Variants in ERCC8 observed in about 807,000 individuals in gnomAD.
ERCC8 encodes ERCC excision repair 8, CSA ubiquitin ligase complex subunit, also known as DNA excision repair protein ERCC-8.
A neutral mutation model predicts 54.9 loss-of-function variants in ERCC8; 52 were observed. That is an observed-to-expected ratio of 0.95 (90% confidence interval 0.76 to 1.19). ERCC8 has a LOEUF of 1.19. Among genes scored for constraint, ERCC8 ranks in the 50% most tolerant of loss-of-function variants. The pLI, the probability that ERCC8 is intolerant of heterozygous loss-of-function variation, is 0.00. For missense variants in ERCC8, 514 were observed against 466.1 expected (o/e 1.10, Z -0.95); for synonymous variants, 146 against 157.2 (o/e 0.93, Z 0.53).
chr5:60,870,484 A>AAAG lies in ERCC8; in HGVS notation c.*4130_*4131insCTT, dbSNP rs1747839279. ...ACATGGTGAAACCCCACCTCTGCTA[A>AAAG]AAAAAAAAAAAAAAAAAAAAAAAAA... On this transcript the variant is annotated 3_prime_UTR_variant, in exon 12 of 12. Transcript: ENST00000676185. Among the ~76,000 whole-genome samples, 1 of 114,480 alleles carries AAAG rather than the reference A, an allele frequency of 8.7e-6. No individual in the cohort carries two copies. The highest frequency in any genetic ancestry group is 3.1e-5 in the African/African-American group (1 of 32,372). The allele number at this position is 114,480 out of a possible 152,430, so 75.1% of individuals were successfully genotyped here. A position where few individuals can be genotyped will look rare whatever the true frequency, so the allele number is the denominator to read the frequency against.
Position 60,944,999 on chromosome 5 carries a change from AC to A in ERCC8, c.9del (p.Leu5CysfsTer28). The A allele has an allele frequency of 1.2e-6, 2 of 1,613,556 alleles. No homozygotes were observed. Among genetic ancestry groups the A allele is most frequent in the Middle Eastern group, 1.6e-4 (1 of 6,062 alleles). On this transcript the variant is annotated frameshift_variant, in exon 1 of 12. Transcript: ENST00000676185. LOFTEE classifies it high-confidence loss of function. ...AAACCCGTTTGGCGTGCGGACAAAA[AC>A]CCCAGCATATCGTGTCCTCACACCG... MLGFLSARQTGLE... is the reference protein window; with the variant it reads MLXFLSARQTGLE...
intron 11 of ERCC8, among the ~76,000 whole-genome samples, chr5:60,884,935 CAA>C (rs1748351671): frequency 6.6e-6 from 1 of 151,940 alleles, no homozygotes; most frequent in Non-Finnish European, 1.5e-5. Flanking sequence ...TTCTCATATA[CAA>C]AAGTTTGTTT....
At chr5:60,904,058 C>G (rs1237444569) in intron 5 of ERCC8, among the ~76,000 whole-genome samples, 3 of 152,144 alleles carry the variant, frequency 2.0e-5, no homozygotes, top group East Asian at 1.9e-4. Context: ...CAGTATCAAA[C>G]CCAGGAAATT....
At chr5:60,929,506 G>A (rs1371419780) in intron 1 of ERCC8, among the ~76,000 whole-genome samples, 1 of 152,142 alleles carries the variant, frequency 6.6e-6, no homozygotes, top group Non-Finnish European at 1.5e-5. Flanking sequence ...AGGATTGCTT[G>A]AGCCCAGGAG....
chr5:60,941,156 T>TA (rs1244306629), intron 1 of ERCC8, among the ~76,000 whole-genome samples: 28 of 149,640 alleles, frequency 1.9e-4, no homozygotes, highest in Admixed American at 2.7e-4. Flanking sequence ...TCTCTAAAAA[T>TA]AAAAAAAAAG....
chr5:60,880,560 A>C (rs1041839383), intron 11 of ERCC8, among the ~76,000 whole-genome samples: 1 of 152,000 alleles, frequency 6.6e-6, no homozygotes, highest in African/African-American at 2.4e-5. Flanking sequence ...GGCTTTGTTC[A>C]TTTCTTTTTA....
Position 60,904,819 on chromosome 5 carries a change from C to T in ERCC8, c.454G>A (p.Val152Ile). Residue 152 changes from valine to isoleucine, a missense_variant, in exon 5 of 12, where the codon GTC becomes ATC. By Grantham distance (29) the Val-to-Ile change is conservative (BLOSUM62 3). Transcript: ENST00000676185. ...ETVYSHHMSP[V>I]STKHCLVAVG... The stretch of plus-strand genomic sequence containing the variant: ...GCTACCAAACAGTGCTTGGTGGAGA[C>T]TGGAGACATATGATGACTATAAACT... The T allele has an allele frequency of 6.2e-7, 1 of 1,600,854 alleles. No homozygotes were observed. The highest frequency in any genetic ancestry group is 8.6e-7 in the Non-Finnish European group (1 of 1,169,096).
Position 60,919,412 on chromosome 5 carries a change from T to C in ERCC8, c.276-1024A>G, listed in dbSNP as rs554657075. ...TTAACAGAAGACTTCTGCAACCCTA[T>C]GCAGATACAACCGTGATGCTTTTGG... On this transcript the variant is annotated intron_variant, in intron 3 of 11. Transcript: ENST00000676185. 4 of 152,058 alleles carry C rather than the reference T, an allele frequency of 2.6e-5. No homozygotes were observed. In the East Asian group the frequency reaches 7.7e-4, roughly 29 times the overall value. 9.4% of individuals were successfully genotyped at this position (152,058 alleles called of 1,614,324 possible). A position where few individuals can be genotyped will look rare whatever the true frequency, so the allele number is the denominator to read the frequency against.
At chr5:60,891,506 G>A (rs1446603711) in intron 9 of ERCC8, among the ~76,000 whole-genome samples, 1 of 151,764 alleles carries the variant, frequency 6.6e-6, no homozygotes. Context: ...AATATTTTTT[G>A]GGGGGTGTAT....
intron 3 of ERCC8, among the ~76,000 whole-genome samples, chr5:60,920,151 C>G (rs537406725): frequency 1.3e-5 from 2 of 151,942 alleles, no homozygotes; most frequent in South Asian, 2.1e-4. Flanking sequence ...GTGGTGTGAC[C>G]CTGACTGTGT....
chr5:60,904,718 C>A, intron 5 of ERCC8, 74 bp downstream of exon 5: 18 of 532,026 alleles, frequency 3.4e-5, no homozygotes, highest in East Asian at 1.4e-4. Context: ...AAAATGTCTA[C>A]ATCAAAACTA....
rs113518997 is a variant in ERCC8, at chr5:60,937,825, C to T, written c.77+7107G>A. Among the ~76,000 whole-genome samples the T allele has an allele frequency of 2.4e-3, 369 of 152,154 alleles. 8 individuals are homozygous for T. Among genetic ancestry groups the T allele is most frequent in the African/African-American group, 8.6e-3 (356 of 41,506 alleles). On this transcript the variant is annotated intron_variant, in intron 1 of 11. Coordinates refer to ENST00000676185, the MANE Select transcript of ERCC8 (RefSeq NM_000082.4). ...GTGGATCCTCTCCGCTTTCCTGGAG[C>T]GTTCCTGTGGTAGTTCTTATAGCAA...
In ERCC8 at chr5:60,866,489, C is replaced by A. The variant is rs917062783; in HGVS notation, c.*8126G>T. On this transcript the variant is annotated 3_prime_UTR_variant, in exon 12 of 12. Coordinates refer to ENST00000676185, the MANE Select transcript of ERCC8 (RefSeq NM_000082.4). ...ATTTCAGAACTTTATTTCATTTATT[C>A]TTACAACTTTGTAAGGTGTATTTTA... 2.6e-5 allele frequency: 4 copies of A among 152,006 alleles called. No homozygotes were observed. The highest frequency in any genetic ancestry group is 4.1e-4 in the South Asian group (2 of 4,820). The allele number at this position is 152,006 out of a possible 1,614,324, so 9.4% of individuals were successfully genotyped here.
At chr5:60,885,503 A>G (rs551756567) in intron 11 of ERCC8, among the ~76,000 whole-genome samples, 1 of 152,164 alleles carries the variant, frequency 6.6e-6, no homozygotes, top group Non-Finnish European at 1.5e-5. Context: ...AGAGCAGGAC[A>G]CAATAATTAC....
At position 60,898,333 on chromosome 5, in the gene ERCC8, A is replaced by C; in HGVS notation, c.786T>G (p.Thr262=). 6.2e-7 allele frequency: 1 copy of C among 1,613,650 alleles called. No homozygotes were observed. The highest frequency in any genetic ancestry group is 8.5e-7 in the Non-Finnish European group (1 of 1,179,662). The change falls in exon 9 of 12, where the codon ACT becomes ACG. Residue 262 remains threonine, a synonymous_variant. Coordinates refer to ENST00000676185, the MANE Select transcript of ERCC8 (RefSeq NM_000082.4). The part of the protein sequence containing the change: ...CFTSDGLHLL[T]VGTDNRMRLW... ...GCCTCATTCGATTATCTGTACCAAC[A>C]GTGAGGAGGTGAAGTCCATCACTTG...
In ERCC8 at chr5:60,870,401, T is replaced by C. The variant is rs1447559274; in HGVS notation, c.*4214A>G. Among the ~76,000 whole-genome samples the C allele has an allele frequency of 6.8e-6, 1 of 146,718 alleles. No individual in the cohort carries two copies. ...GCTCACGCCTGTAAATCCCAGCACT[T>C]TGGGAGGCCGAGGCTGGTGGATCAC... is the stretch of plus-strand genomic sequence containing the variant. On this transcript the variant is annotated 3_prime_UTR_variant, in exon 12 of 12. Coordinates refer to ENST00000676185, the MANE Select transcript of ERCC8 (RefSeq NM_000082.4).
At chr5:60,874,890 C>T (rs1262731328) in intron 11 of ERCC8, among the ~76,000 whole-genome samples, 1 of 152,112 alleles carries the variant, frequency 6.6e-6, no homozygotes, top group East Asian at 1.9e-4. Flanking sequence ...ACAGACAACA[C>T]CAGACTTTAT....
At chr5:60,912,447 C>T (rs1232168500) in intron 4 of ERCC8, among the ~76,000 whole-genome samples, 1 of 152,034 alleles carries the variant, frequency 6.6e-6, no homozygotes, top group Non-Finnish European at 1.5e-5. Flanking sequence ...ATTTTGTATC[C>T]TGAGACTTTG....
At position 60,894,276 on chromosome 5, in the gene ERCC8, G is replaced by A. The variant is rs367797260; in HGVS notation, c.844-3190C>T. On this transcript the variant is annotated intron_variant, in intron 9 of 11. Coordinates refer to ENST00000676185, the MANE Select transcript of ERCC8 (RefSeq NM_000082.4). ...TGGGATTACAGGCGTGAGCCACTGC[G>A]CCCGGCTGGGAATTTATCTTAAGGA... Among the ~76,000 whole-genome samples, 248 of 152,144 alleles carry A rather than the reference G, an allele frequency of 1.6e-3. 1 individual carries two copies. Among genetic ancestry groups the A allele is most frequent in the African/African-American group, 5.6e-3 (232 of 41,514 alleles).
Sources: allele counts gnomAD v4.1 joint callset (sites outside exome capture counted in the v4.1 genomes callset), GRCh38; gene constraint gnomAD v4.1.1; transcripts MANE v1.5; gene names NCBI Gene and HGNC (gene_info 2026-07-23, HGNC 2026-07-21).